The following LPP variants were observed in gnomAD, a reference collection of about 807,000 sequenced individuals.
LPP encodes the protein lipoma-preferred partner.
Under a neutral mutation model 60.4 loss-of-function variants are expected in LPP, and 38 were observed. The ratio of observed to expected loss-of-function variants is 0.63; its 90% CI spans 0.49 to 0.83. LPP has a LOEUF of 0.83. Ranked by LOEUF, LPP falls within the 40% of genes least tolerant of loss-of-function variation. The pLI is 0.00. For missense variants in LPP, 902 were observed against 783.6 expected (o/e 1.15, Z -1.80); for synonymous variants, 328 against 290.8 (o/e 1.13, Z -1.30).
At chr3:188,740,190 T>A (rs1723922744) in intron 8 of LPP, among the ~76,000 whole-genome samples, 1 of 152,072 alleles carries the variant, frequency 6.6e-6, no homozygotes, top group South Asian at 2.1e-4. Flanking sequence ...TCAATTACTC[T>A]GTTTCCCTAG....
chr3:188,452,622 A>G (rs1223291855), intron 4 of LPP, among the ~76,000 whole-genome samples: 1 of 152,162 alleles, frequency 6.6e-6, no homozygotes, highest in African/African-American at 2.4e-5. Context: ...TTTAGAACTT[A>G]ATGCTTTCCG....
chr3:188,530,903 C>G (rs1002613139), intron 6 of LPP, among the ~76,000 whole-genome samples: 2 of 152,122 alleles, frequency 1.3e-5, no homozygotes, highest in Non-Finnish European at 2.9e-5. Context: ...AGAAGCTATG[C>G]AGGGGTTGGA....
intron 2 of LPP, among the ~76,000 whole-genome samples, chr3:188,245,081 A>C (rs926256153): frequency 1.3e-5 from 2 of 151,988 alleles, no homozygotes; most frequent in African/African-American, 4.8e-5. Flanking sequence ...GTAAATTGTT[A>C]GCATAATTCT....
rs147485905 is a variant in LPP at position 188,208,607 on chromosome 3, G to A, written c.-189-16798G>A. Among the ~76,000 whole-genome samples the A allele has an allele frequency of 2.2e-3, 334 of 152,292 alleles. 1 individual carries two copies. The highest frequency in any genetic ancestry group is 2.2e-3 in the Non-Finnish European group (153 of 68,020). ...TAACAGCTTCTCCAAGGAAAACATC[G>A]CAGGCCACGTTTCCGGAACTGAGAA... On this transcript the variant is annotated intron_variant, in intron 1 of 11. Coordinates refer to ENST00000617246, the MANE Select transcript of LPP (RefSeq NM_001375462.1).
At chr3:188,250,770 CTTTCTTTCTTTCTTTCTG>C (rs1728997267) in intron 2 of LPP, among the ~76,000 whole-genome samples, 1 of 109,782 alleles carries the variant, frequency 9.1e-6, no homozygotes, top group Admixed American at 8.6e-5. Context: ...TTCTTTCTTT[CTTTCTTTCTTTCTTTCTG>C]TCTTTCTCTT....
intron 1 of LPP, among the ~76,000 whole-genome samples, chr3:188,191,862 T>C (rs1728264352): frequency 6.6e-6 from 1 of 152,138 alleles, no homozygotes; most frequent in Admixed American, 6.5e-5. Context: ...AGGCAAGTTA[T>C]CCATGCAGAC....
At chr3:188,340,786 A>T (rs1184005530) in intron 2 of LPP, among the ~76,000 whole-genome samples, 1 of 152,186 alleles carries the variant, frequency 6.6e-6, no homozygotes, top group East Asian at 1.9e-4. Flanking sequence ...AGTGACATAG[A>T]TTAATATTTC....
chr3:188,559,298 T>C (rs1468470847), intron 6 of LPP, among the ~76,000 whole-genome samples: 1 of 152,054 alleles, frequency 6.6e-6, no homozygotes, highest in Non-Finnish European at 1.5e-5. Context: ...TTGAATTGCA[T>C]AAGGCTGCTC....
chr3:188,373,174 C>A (rs60620289), intron 3 of LPP, among the ~76,000 whole-genome samples: 1,625 of 152,118 alleles, frequency 0.011, 25 homozygotes, highest in African/African-American at 0.036. Flanking sequence ...CATACGTGTG[C>A]ATGTGTCTTT....
At chr3:188,714,963 T>C (rs1713213015) in intron 8 of LPP, among the ~76,000 whole-genome samples, 1 of 152,086 alleles carries the variant, frequency 6.6e-6, no homozygotes, top group Middle Eastern at 3.2e-3. Context: ...AACCAGACAG[T>C]GAGTGTTTAG....
chr3:188,888,350 G>A lies in LPP; in HGVS notation c.*13871G>A, dbSNP rs1770913340. Reference sequence around the variant, plus strand: ...AGGATAGTAATTTTCCCTGAGCCACGCACACAGGCTTTTATTTCATGCCTT... The same window carrying A: ...AGGATAGTAATTTTCCCTGAGCCACACACACAGGCTTTTATTTCATGCCTT... On this transcript the variant is annotated 3_prime_UTR_variant, in exon 12 of 12. Transcript: ENST00000617246. 1 of 227,744 alleles carries A rather than the reference G, an allele frequency of 4.4e-6. No homozygotes were observed. Among genetic ancestry groups the A allele is most frequent in the Non-Finnish European group, 8.7e-6 (1 of 114,462 alleles). 14.1% of individuals were successfully genotyped at this position (227,744 alleles called of 1,614,324 possible). A position where few individuals can be genotyped will look rare whatever the true frequency, so the allele number is the denominator to read the frequency against.
rs1200238986 is a variant in LPP, at chr3:188,572,544, C to A, written c.430-36617C>A. Among the ~76,000 whole-genome samples the A allele has an allele frequency of 1.3e-5, 2 of 152,000 alleles. No individual in the cohort carries two copies. Among genetic ancestry groups the A allele is most frequent in the South Asian group, 2.1e-4 (1 of 4,824 alleles). On this transcript the variant is annotated intron_variant, in intron 6 of 11. Transcript: ENST00000617246. This position sits in a 1 kb window ranked among gnomAD's most constrained non-coding sequence, Gnocchi z 4.1. ...TTGGATTGACCAAAAGTCTAGAGAA[C>A]CTGATTTGTAACTGTATCATTATGA...
At chr3:188,781,258 A>T (rs759914501) in intron 9 of LPP, among the ~76,000 whole-genome samples, 8 of 152,214 alleles carry the variant, frequency 5.3e-5, no homozygotes, top group Non-Finnish European at 1.0e-4. Flanking sequence ...TGGACACATG[A>T]GTGATCTCTA....
intron 9 of LPP, among the ~76,000 whole-genome samples, chr3:188,820,285 T>TTGTG (rs1220066238): frequency 2.6e-5 from 4 of 151,036 alleles, no homozygotes; most frequent in Admixed American, 2.6e-4. Context: ...GTGTGTGTGT[T>TTGTG]TGTGTGTGTA....
At chr3:188,709,190 A>T (rs1866101502) in intron 8 of LPP, 1 of 152,110 alleles carries the variant, frequency 6.6e-6, no homozygotes, top group Non-Finnish European at 1.5e-5. Context: ...TTTATGAATT[A>T]TATGCCGATT....
intron 4 of LPP, among the ~76,000 whole-genome samples, chr3:188,422,587 T>G (rs1028324588): frequency 6.6e-6 from 1 of 152,092 alleles, no homozygotes; most frequent in Admixed American, 6.6e-5. Flanking sequence ...ACTAGGGAGT[T>G]TTCTGGTTTT....
At chr3:188,471,557 G>T (rs1210643085) in intron 4 of LPP, among the ~76,000 whole-genome samples, 1 of 152,176 alleles carries the variant, frequency 6.6e-6, no homozygotes, top group Non-Finnish European at 1.5e-5. Context: ...GTGATAGGGA[G>T]AATTGTGATA....
At chr3:188,673,067 C>G (rs568683120) in intron 7 of LPP, among the ~76,000 whole-genome samples, 1 of 151,550 alleles carries the variant, frequency 6.6e-6, no homozygotes, top group Non-Finnish European at 1.5e-5. Flanking sequence ...CTGTCTGTTC[C>G]AGTAGAGAAA....
Position 188,572,785 on chromosome 3 carries a change from G to T in LPP, c.430-36376G>T, listed in dbSNP as rs573689913. On this transcript the variant is annotated intron_variant, in intron 6 of 11. Transcript: ENST00000617246. The surrounding 1 kb of genome is among the most constrained non-coding windows in gnomAD (Gnocchi z 4.1). Reference sequence around the variant, plus strand: ...ACCAAATCTCGGTACTGAAAACAAGGGTTTATTTCTTACTTATGCTACTTG... The same window carrying T: ...ACCAAATCTCGGTACTGAAAACAAGTGTTTATTTCTTACTTATGCTACTTG... Among the ~76,000 whole-genome samples, 2 of 152,034 alleles carry T rather than the reference G, an allele frequency of 1.3e-5. No homozygotes were observed. Among genetic ancestry groups the T allele is most frequent in the African/African-American group, 4.8e-5 (2 of 41,494 alleles).
Sources: gnomAD v4.1 joint callset for allele counts (sites outside exome capture counted in the v4.1 genomes callset) on GRCh38, gnomAD v4.1.1 for gene constraint, Gnocchi (gnomAD v3.1) non-coding constraint, MANE v1.5 for transcripts, NCBI Gene and HGNC (gene_info 2026-07-23, HGNC 2026-07-21) for gene names.